Variants in KPNA7 observed in about 807,000 individuals in gnomAD.
The protein encoded by KPNA7 is karyopherin subunit alpha 7, also known as importin subunit alpha-8.
A neutral mutation model predicts 53.7 loss-of-function variants in KPNA7; 54 were observed. That is an observed-to-expected ratio of 1.01 (90% CI 0.81 to 1.26). KPNA7 has a LOEUF of 1.26. KPNA7 is among the 50% of genes most tolerant of loss of function. The pLI, the probability that KPNA7 is intolerant of heterozygous loss-of-function variation, is 0.00. For missense variants in KPNA7, 640 were observed against 644.5 expected (o/e 0.99, Z 0.07); for synonymous variants, 276 against 259.3 (o/e 1.06, Z -0.62).
rs1310532725 is a variant in KPNA7 at position 99,188,349 on chromosome 7, A to T, written c.851T>A (p.Val284Asp). The T allele has an allele frequency of 6.4e-7, 1 of 1,551,356 alleles. No homozygotes were observed. Among genetic ancestry groups the T allele is most frequent in the Admixed American group, 2.0e-5 (1 of 50,908 alleles). Residue 284 changes from valine to aspartate, a missense_variant, in exon 7 of 11, where the codon GTC (valine) becomes GAC (aspartate). Transcript: ENST00000327442. ...CATGAGCACTACCAGCCTGGGCAGG[A>T]CCCCCGTGTTAACCACTTGGCCGAT... Reference protein sequence around the residue: ...KRIGQVVNTGVLPRLVVLMTS... With the variant: ...KRIGQVVNTGDLPRLVVLMTS...
In KPNA7 at chr7:99,216,710, C is replaced by T. The variant is rs1392610549; in HGVS notation, c.-23-9221G>A. Among the ~76,000 whole-genome samples, 3 of 152,122 alleles carry T rather than the reference C, an allele frequency of 2.0e-5. 1 individual carries two copies. The highest frequency in any genetic ancestry group is 4.1e-4 in the South Asian group (2 of 4,832). ...CTGAGTAGCTGGGATTACGGGCATG[C>T]GCCACCATGCCTAGCTAATTTTTGT... is the stretch of plus-strand genomic sequence containing the variant. On this transcript the variant is annotated intron_variant, in intron 1 of 10. Transcript: ENST00000681060.
intron 1 of KPNA7, among the ~76,000 whole-genome samples, chr7:99,219,405 G>A (rs1379478168): frequency 6.6e-6 from 1 of 152,166 alleles, no homozygotes; most frequent in Non-Finnish European, 1.5e-5. Flanking sequence ...GAATTAATTA[G>A]CGTTTACTCC....
the KPNA7 span, among the ~76,000 whole-genome samples, chr7:99,165,613 C>T: frequency 6.6e-6 from 1 of 152,174 alleles, no homozygotes; most frequent in African/African-American, 2.4e-5. Context: ...TAGACTAACA[C>T]CCAAACACCG....
rs778635680 is a variant in KPNA7, at chr7:99,195,205, T to TG, written c.417dup (p.Asn140GlnfsTer24). ...TGCTCCGAAGTCCCTGAAGCGATGT[T>TG]GGTCAGGGCCCAGGCAGCCTCAAAC... On this transcript the variant is annotated frameshift_variant, in exon 5 of 11. Transcript: ENST00000327442. LOFTEE classifies it high-confidence loss of function. 5.2e-6 allele frequency: 8 copies of TG among 1,551,502 alleles called. No homozygotes were observed. In the African/African-American group the frequency reaches 1.1e-4, roughly 21 times the overall value.
intron 6 of KPNA7, among the ~76,000 whole-genome samples, chr7:99,188,945 G>C (rs144322243): frequency 0.011 from 1,624 of 152,240 alleles, 16 homozygotes; most frequent in Non-Finnish European, 0.016. Flanking sequence ...GCCTCCCAAC[G>C]TGCTGGGATT....
intron 10 of KPNA7, among the ~76,000 whole-genome samples, chr7:99,175,093 G>A (rs181465763): frequency 7.9e-5 from 12 of 152,114 alleles, no homozygotes; most frequent in African/African-American, 2.9e-4. Context: ...GATTACAGGT[G>A]TGAGCCACTG....
chr7:99,215,846 C>T (rs542615119), intron 1 of KPNA7, among the ~76,000 whole-genome samples: 32 of 151,914 alleles, frequency 2.1e-4, no homozygotes, highest in Non-Finnish European at 4.1e-4. Context: ...GGTTGCTGTA[C>T]AACTGCAGTC....
chr7:99,174,812 TA>T (rs1054061490), intron 10 of KPNA7, among the ~76,000 whole-genome samples: 5 of 144,016 alleles, frequency 3.5e-5, no homozygotes, highest in East Asian at 4.1e-4. Context: ...GTCTCTTATT[TA>T]TTATTTTTTT....
chr7:99,199,474 G>C (rs1790405202), intron 3 of KPNA7, among the ~76,000 whole-genome samples: 1 of 152,180 alleles, frequency 6.6e-6, no homozygotes, highest in Non-Finnish European at 1.5e-5. Context: ...TTTGACAAAG[G>C]TACCAAGACA....
intron 5 of KPNA7, among the ~76,000 whole-genome samples, 175 bp downstream of exon 5, chr7:99,194,895 G>A (rs143287867): frequency 9.6e-4 from 146 of 152,186 alleles, no homozygotes; most frequent in African/African-American, 3.3e-3. Flanking sequence ...GTGAGCCACC[G>A]TGCCTGGCCT....
rs548344970 is a variant in KPNA7 at position 99,185,149 on chromosome 7, C to T, written c.914G>A (p.Arg305His). 14 of 1,551,566 alleles carry T rather than the reference C, an allele frequency of 9.0e-6. No homozygotes were observed. The highest frequency in any genetic ancestry group is 7.3e-5 in the East Asian group (3 of 40,910). ...SELNVLTPSL[R>H]TVGNIVTGTD... Reference sequence around the variant, plus strand: ...GCCCGTGACAATGTTCCCCACGGTGCGGAGAGAAGGAGTCTGGAAGAGCAA... The same window carrying T: ...GCCCGTGACAATGTTCCCCACGGTGTGGAGAGAAGGAGTCTGGAAGAGCAA... Residue 305 changes from arginine (R) to histidine (H), a missense_variant, in exon 8 of 11, where the codon CGC (arginine) becomes CAC (histidine). By Grantham distance (29) the Arg-to-His change is conservative (BLOSUM62 0). Coordinates refer to ENST00000327442, the MANE Select transcript of KPNA7 (RefSeq NM_001145715.3).
At chr7:99,166,038 G>T in the KPNA7 span, among the ~76,000 whole-genome samples, 1 of 151,994 alleles carries the variant, frequency 6.6e-6, no homozygotes, top group Non-Finnish European at 1.5e-5. Flanking sequence ...TTCTGCTCTG[G>T]CCATGTAAGA....
chr7:99,188,311 G>A lies in KPNA7; in HGVS notation c.889C>T (p.Leu297Phe), dbSNP rs1482294652. ...AGGATTGCATTTACCAAGACATTGA[G>A]TTCTGAGCTGGTCATGAGCACTACC... ...RLVVLMTSSE[L>F]NVLTPSLRTV... is the part of the protein sequence containing the mutation. The change falls in exon 7 of 11, where the codon CTC becomes TTC. Residue 297 changes from leucine to phenylalanine, a missense_variant. By Grantham distance (22) the Leu-to-Phe change is conservative (BLOSUM62 0). Coordinates refer to ENST00000327442, the MANE Select transcript of KPNA7 (RefSeq NM_001145715.3). 1.9e-6 allele frequency: 3 copies of A among 1,551,090 alleles called. No homozygotes were observed. The Admixed American group carries it at 5.9e-5, about 30-fold the overall frequency.
At chr7:99,215,539 A>C (rs1167047680) in intron 1 of KPNA7, among the ~76,000 whole-genome samples, 1 of 152,074 alleles carries the variant, frequency 6.6e-6, no homozygotes, top group African/African-American at 2.4e-5. Flanking sequence ...CTAGCAGATC[A>C]CTTCGTGTAG....
At chr7:99,187,798 TTA>T (rs1789685659) in intron 7 of KPNA7, among the ~76,000 whole-genome samples, 2 of 2,882 alleles carry the variant, frequency 6.9e-4, no homozygotes, top group Non-Finnish European at 2.1e-3. Context: ...GCCTTTTTTT[TTA>T]AAAAAAAAAA....
chr7:99,189,084 G>A (rs1789795078), intron 6 of KPNA7, among the ~76,000 whole-genome samples: 1 of 152,138 alleles, frequency 6.6e-6, no homozygotes, highest in African/African-American at 2.4e-5. Flanking sequence ...GTTAGATGGA[G>A]GTTTCCTTTG....
At chr7:99,209,003 T>C (rs1363419249), upstream of KPNA7, among the ~76,000 whole-genome samples, 1 of 151,798 alleles carries the variant, frequency 6.6e-6, no homozygotes, top group East Asian at 2.0e-4. Context: ...AATACAAAAA[T>C]TAGTCAGGCA....
intron 3 of KPNA7, among the ~76,000 whole-genome samples, chr7:99,202,332 C>T (rs527982145): frequency 5.0e-4 from 76 of 152,040 alleles, no homozygotes; most frequent in Non-Finnish European, 1.0e-3. Context: ...TCAAGGCATT[C>T]GGTATTCACA....
the KPNA7 span, among the ~76,000 whole-genome samples, chr7:99,164,627 G>T: frequency 2.6e-5 from 1 of 37,752 alleles, no homozygotes; most frequent in Non-Finnish European, 6.1e-5. Context: ...AAAACTTAAA[G>T]AATTTAAAAA....
Sources: allele counts gnomAD v4.1 joint callset (sites outside exome capture counted in the v4.1 genomes callset), GRCh38; gene constraint gnomAD v4.1.1; transcripts MANE v1.5; gene names NCBI Gene and HGNC (gene_info 2026-07-23, HGNC 2026-07-21).